The following ERCC6L2 variants were observed in gnomAD, a reference collection of about 807,000 sequenced individuals.
ERCC6L2 encodes DNA excision repair protein ERCC-6-like 2.
In ERCC6L2, 77 loss-of-function variants were observed where a neutral mutation model predicts 132.0. The ratio of observed to expected loss-of-function variants is 0.58; its 90% CI spans 0.49 to 0.71. The LOEUF (loss-of-function observed/expected upper bound fraction) is 0.71, where lower values mean the gene tolerates loss of function less well. Among genes scored for constraint, ERCC6L2 ranks in the 30% least tolerant of loss-of-function variants. ERCC6L2 has a pLI of 0.00. For synonymous variants in ERCC6L2, 583 were observed against 632.4 expected, an observed-to-expected ratio of 0.92 and a Z score of 1.17; for missense variants, 1,542 against 1,837.6, an observed-to-expected ratio of 0.84 and a Z score of 2.94.
At chr9:95,919,996 A>G (rs1263571637) in intron 6 of ERCC6L2, among the ~76,000 whole-genome samples, 1 of 152,236 alleles carries the variant, frequency 6.6e-6, no homozygotes, top group Admixed American at 6.5e-5. Flanking sequence ...AATGTGGCAG[A>G]GGGATTCTGA....
At chr9:96,022,593 C>T (rs193027199), downstream of ERCC6L2, among the ~76,000 whole-genome samples, 2 of 152,332 alleles carry the variant, frequency 1.3e-5, no homozygotes, top group Non-Finnish European at 2.9e-5. Flanking sequence ...GGAGCCATGA[C>T]CCTTCCTAAC....
chr9:95,999,458 A>G (rs916272291), intron 17 of ERCC6L2, among the ~76,000 whole-genome samples: 10 of 151,958 alleles, frequency 6.6e-5, no homozygotes, highest in African/African-American at 2.4e-4. Context: ...TCTAATAGCT[A>G]TGGTTGCAAA....
intron 19 of ERCC6L2, chr9:96,027,760 G>A (rs1384112677): frequency 6.6e-6 from 1 of 152,428 alleles, no homozygotes; most frequent in Non-Finnish European, 1.5e-5. Flanking sequence ...ATTCTTCGCA[G>A]CTTCATCTCC....
chr9:95,940,973 G>A (rs1453238733), intron 11 of ERCC6L2, among the ~76,000 whole-genome samples: 1 of 151,990 alleles, frequency 6.6e-6, no homozygotes, highest in Non-Finnish European at 1.5e-5. Flanking sequence ...CTTAGGCCTT[G>A]TAGTCCCTAG....
At chr9:96,004,320 T>A (rs1481001170) in intron 17 of ERCC6L2, among the ~76,000 whole-genome samples, 200 bp from the exon 18 acceptor site, 1 of 152,210 alleles carries the variant, frequency 6.6e-6, no homozygotes, top group Non-Finnish European at 1.5e-5. Flanking sequence ...TTGTATAACT[T>A]AAAGAAAGGT....
At chr9:95,959,199 A>G (rs1194451412) in intron 13 of ERCC6L2, among the ~76,000 whole-genome samples, 1 of 149,098 alleles carries the variant, frequency 6.7e-6, no homozygotes. Context: ...TCAATGGAAC[A>G]GAACAGAGCC....
At chr9:96,011,076 C>A (rs904469938) in intron 18 of ERCC6L2, among the ~76,000 whole-genome samples, 7 of 152,160 alleles carry the variant, frequency 4.6e-5, no homozygotes, top group Non-Finnish European at 1.5e-5. Context: ...CAAAGCAATA[C>A]CCATTGTCTT....
intron 20 of ERCC6L2, among the ~76,000 whole-genome samples, chr9:96,040,799 C>T (rs1039482256): frequency 6.6e-6 from 1 of 152,142 alleles, no homozygotes; most frequent in Non-Finnish European, 1.5e-5. Flanking sequence ...AAAGGAGAGG[C>T]GAGGCGTGCC....
chr9:96,032,367 T>G (rs568507935), intron 19 of ERCC6L2, among the ~76,000 whole-genome samples: 1 of 152,324 alleles, frequency 6.6e-6, no homozygotes, highest in East Asian at 1.9e-4. Flanking sequence ...TTCCTCCGCA[T>G]CCTCTTCCGC....
chr9:95,916,475 A>AC, intron 6 of ERCC6L2, 41 bp downstream of exon 6: 1 of 1,284,256 alleles, frequency 7.8e-7, no homozygotes, highest in South Asian at 1.9e-5. Context: ...TTGTGGTCAT[A>AC]TTTTTTTTTT....
intron 13 of ERCC6L2, among the ~76,000 whole-genome samples, chr9:95,958,673 G>T (rs918274881): frequency 2.6e-5 from 4 of 152,026 alleles, no homozygotes; most frequent in Non-Finnish European, 5.9e-5. Context: ...AGCAACTTCA[G>T]CAAAGTCTCA....
intron 12 of ERCC6L2, among the ~76,000 whole-genome samples, chr9:95,953,092 T>C (rs1003190782): frequency 1.3e-5 from 2 of 152,202 alleles, no homozygotes; most frequent in African/African-American, 2.4e-5. Context: ...TGGGGAGTTA[T>C]TGTTTAATGA....
chr9:95,969,947 C>T (rs545288677), intron 14 of ERCC6L2, among the ~76,000 whole-genome samples: 15 of 152,224 alleles, frequency 9.9e-5, no homozygotes, highest in African/African-American at 3.6e-4. Context: ...ATTTAATATT[C>T]TAGAATCTAG....
intron 4 of ERCC6L2, among the ~76,000 whole-genome samples, chr9:95,915,254 A>C (rs1470154508): frequency 6.6e-6 from 1 of 152,140 alleles, no homozygotes; most frequent in African/African-American, 2.4e-5. Flanking sequence ...AAACTTTCTT[A>C]GTGGACAGGG....
chr9:96,006,569 G>GAGGGCAT (rs1833871561), intron 18 of ERCC6L2, among the ~76,000 whole-genome samples: 4 of 152,338 alleles, frequency 2.6e-5, no homozygotes, highest in African/African-American at 9.6e-5. Flanking sequence ...GGCATTGTGG[G>GAGGGCAT]TCTTACAGTT....
chr9:95,918,722 A>C (rs1423175103), intron 6 of ERCC6L2: 1 of 185,766 alleles, frequency 5.4e-6, no homozygotes, highest in South Asian at 9.9e-5. Context: ...AAATGTGACC[A>C]TCAGTTAGAG....
At chr9:95,948,898 A>G (rs969242976) in intron 12 of ERCC6L2, among the ~76,000 whole-genome samples, 3 of 152,184 alleles carry the variant, frequency 2.0e-5, no homozygotes, top group Admixed American at 2.0e-4. Flanking sequence ...CAAAACAGGC[A>G]TTGGAGCTAC....
rs1834209985 is a variant in ERCC6L2, at chr9:96,017,639, T to C, written c.*4436T>C. ...TGGGCAGGACCCACCTGCCTGACCT[T>C]CTGTCCCCCTGGGACACAGTATTTC... is the stretch of plus-strand genomic sequence containing the variant. On this transcript the variant is annotated 3_prime_UTR_variant, in exon 19 of 19. Transcript: ENST00000653738. 6.6e-6 allele frequency among the ~76,000 whole-genome samples: 1 copy of C among 152,230 alleles called. No homozygotes were observed. The highest frequency in any genetic ancestry group is 2.1e-4 in the South Asian group (1 of 4,826).
chr9:96,023,153 A>G (rs13288404), downstream of ERCC6L2, among the ~76,000 whole-genome samples: 4,443 of 152,216 alleles, frequency 0.029, 113 homozygotes, highest in Non-Finnish European at 0.045. Context: ...CTGCCTAGGA[A>G]CTAGCAGCAT....
Sources: gnomAD v4.1 joint callset for allele counts (sites outside exome capture counted in the v4.1 genomes callset) on GRCh38, gnomAD v4.1.1 for gene constraint, MANE v1.5 for transcripts, NCBI Gene and HGNC (gene_info 2026-07-23, HGNC 2026-07-21) for gene names.